ZSWIM6: variants seen among roughly 807,000 people sequenced by gnomAD.
ZSWIM6 encodes the protein zinc finger SWIM-type containing 6, also known as zinc finger SWIM domain-containing protein 6.
ZSWIM6 carries 9 observed loss-of-function variants against 113.2 expected under a neutral mutation model. That is an observed-to-expected ratio of 0.08 (90% CI 0.05 to 0.14). ZSWIM6 has a LOEUF of 0.14. ZSWIM6 is among the 10% of genes least tolerant of loss of function. ZSWIM6 has a pLI of 1.00. For synonymous variants in ZSWIM6, 611 were observed against 606.5 expected, an observed-to-expected ratio of 1.01 and a Z score of -0.11; for missense variants, 1,162 against 1,552.2, an observed-to-expected ratio of 0.75 and a Z score of 4.22.
intron 4 of ZSWIM6, among the ~76,000 whole-genome samples, chr5:61,508,534 T>G (rs1168876909): frequency 3.3e-5 from 5 of 152,170 alleles, no homozygotes. Flanking sequence ...TGCAAATAAT[T>G]TAGTTTTCTA....
intron 1 of ZSWIM6, among the ~76,000 whole-genome samples, chr5:61,386,929 C>T (rs930830018): frequency 1.3e-5 from 2 of 152,192 alleles, no homozygotes; most frequent in South Asian, 4.1e-4. Context: ...CAAATGCCCT[C>T]TACCAACCAC....
At chr5:61,534,284 GA>G (rs914118212) in intron 9 of ZSWIM6, among the ~76,000 whole-genome samples, 30 of 152,216 alleles carry the variant, frequency 2.0e-4, no homozygotes, top group Middle Eastern at 3.4e-3. Flanking sequence ...TAGTTTAGGT[GA>G]AAAAATTTGT....
intron 4 of ZSWIM6, among the ~76,000 whole-genome samples, chr5:61,495,299 G>T (rs1580038785): frequency 6.6e-6 from 1 of 152,218 alleles, no homozygotes; most frequent in East Asian, 1.9e-4. Flanking sequence ...GACTGGAAGG[G>T]GTATTTGAGA....
intron 1 of ZSWIM6, among the ~76,000 whole-genome samples, chr5:61,380,561 T>G (rs1745453127): frequency 6.6e-6 from 1 of 152,220 alleles, no homozygotes. Flanking sequence ...AGCATTCATA[T>G]GAAGCCTGAG....
At chr5:61,346,702 C>G (rs1744665506) in intron 1 of ZSWIM6, among the ~76,000 whole-genome samples, 1 of 152,168 alleles carries the variant, frequency 6.6e-6, no homozygotes, top group South Asian at 2.1e-4. Flanking sequence ...GCTCAGATGA[C>G]TTTCCTTATT....
chr5:61,373,706 G>T (rs1375221009), intron 1 of ZSWIM6, among the ~76,000 whole-genome samples: 1 of 151,704 alleles, frequency 6.6e-6, no homozygotes, highest in Non-Finnish European at 1.5e-5. Context: ...CATTCTTAAG[G>T]CCAAAGTCTA....
intron 1 of ZSWIM6, among the ~76,000 whole-genome samples, chr5:61,418,895 C>T (rs1403952906): frequency 6.6e-6 from 1 of 152,182 alleles, no homozygotes; most frequent in Non-Finnish European, 1.5e-5. Context: ...AATCTCGGCT[C>T]ACTGCAACCT....
At chr5:61,524,328 A>C (rs1749222571) in intron 5 of ZSWIM6, among the ~76,000 whole-genome samples, 1 of 149,492 alleles carries the variant, frequency 6.7e-6, no homozygotes, top group East Asian at 2.0e-4. Context: ...TCTGGGTGGG[A>C]GCCATAACAG....
chr5:61,333,411 C>A (rs1044781668), intron 1 of ZSWIM6, among the ~76,000 whole-genome samples: 14 of 151,908 alleles, frequency 9.2e-5, no homozygotes, highest in African/African-American at 2.4e-4. Context: ...CGCTCCCCCC[C>A]TCTCCCACTG....
At chr5:61,444,174 A>T (rs570336763) in intron 1 of ZSWIM6, among the ~76,000 whole-genome samples, 1 of 132,920 alleles carries the variant, frequency 7.5e-6, no homozygotes, top group South Asian at 2.4e-4. Context: ...TTCAATTCCC[A>T]CCTATGAGTG....
At chr5:61,338,800 A>G (rs1744462331) in intron 1 of ZSWIM6, among the ~76,000 whole-genome samples, 1 of 152,108 alleles carries the variant, frequency 6.6e-6, no homozygotes, top group Admixed American at 6.5e-5. Context: ...GGCTATCCTC[A>G]TTATTTTTTT....
intron 1 of ZSWIM6, among the ~76,000 whole-genome samples, chr5:61,385,874 G>A (rs1447283245): frequency 4.6e-5 from 7 of 152,106 alleles, no homozygotes; most frequent in Admixed American, 2.0e-4. Flanking sequence ...GATTGGATTC[G>A]ACTCATGGCC....
intron 1 of ZSWIM6, among the ~76,000 whole-genome samples, chr5:61,346,627 CTTA>C (rs1484607129): frequency 6.6e-6 from 1 of 152,130 alleles, no homozygotes; most frequent in Non-Finnish European, 1.5e-5. Flanking sequence ...CTTAACATGC[CTTA>C]TTAAAACCAA....
chr5:61,464,668 T>C (rs1488432919), intron 1 of ZSWIM6, among the ~76,000 whole-genome samples: 1 of 152,102 alleles, frequency 6.6e-6, no homozygotes, highest in Non-Finnish European at 1.5e-5. Context: ...CCTACATTTC[T>C]CCCCTCCCAG....
chr5:61,522,060 C>G (rs904123133), intron 5 of ZSWIM6, among the ~76,000 whole-genome samples: 12 of 151,390 alleles, frequency 7.9e-5, no homozygotes, highest in African/African-American at 2.9e-4. Flanking sequence ...CCAAAAGAAC[C>G]TCTGTCTCAT....
At chr5:61,379,123 GT>G (rs1745428024) in intron 1 of ZSWIM6, among the ~76,000 whole-genome samples, 1 of 142,650 alleles carries the variant, frequency 7.0e-6, no homozygotes, top group Non-Finnish European at 1.5e-5. Context: ...AAAAGCTGCA[GT>G]GAGCTACTGT....
At position 61,341,406 on chromosome 5, in the gene ZSWIM6, A is replaced by G. The variant is rs117900915; in HGVS notation, c.676+8458A>G. On this transcript the variant is annotated intron_variant, in intron 1 of 13. Coordinates refer to ENST00000252744, the MANE Select transcript of ZSWIM6 (RefSeq NM_020928.2). ...TCTCACATTCATTTCAATGTTTAAT[A>G]TTAGAAGTGTTGTGGTCTTTATTTA... Among the ~76,000 whole-genome samples, 1,572 of 152,310 alleles carry G rather than the reference A, an allele frequency of 0.01. 103 individuals carry two copies. In the East Asian group the frequency reaches 0.18, roughly 18 times the overall value.
At chr5:61,420,803 T>C (rs1331599500) in intron 1 of ZSWIM6, among the ~76,000 whole-genome samples, 1 of 152,250 alleles carries the variant, frequency 6.6e-6, no homozygotes. Context: ...ATTTATCCTT[T>C]GTGCTACAGG....
intron 4 of ZSWIM6, among the ~76,000 whole-genome samples, chr5:61,506,506 A>G (rs1748626148): frequency 6.6e-6 from 1 of 152,010 alleles, no homozygotes. Flanking sequence ...CTCGAGAGGC[A>G]GAGGTTGCAA....
Sources: allele counts gnomAD v4.1 joint callset (sites outside exome capture counted in the v4.1 genomes callset), GRCh38; gene constraint gnomAD v4.1.1; transcripts MANE v1.5; gene names NCBI Gene and HGNC (gene_info 2026-07-23, HGNC 2026-07-21).